Variants in SPMIP4 observed in about 807,000 individuals in gnomAD.
The protein encoded by SPMIP4 is sperm microtubule inner protein 4, also known as sperm-associated microtubule inner protein 4.
chr7:25,171,326 C>T, the SPMIP4 span, among the ~76,000 whole-genome samples: 3 of 152,164 alleles, frequency 2.0e-5, no homozygotes, highest in African/African-American at 4.8e-5. Context: ...GCCTGGCACA[C>T]AGGAAGCACT....
the SPMIP4 span, chr7:25,135,250 G>A: frequency 2.3e-6 from 2 of 865,090 alleles, no homozygotes; most frequent in Non-Finnish European, 2.8e-6. Flanking sequence ...GCTAATTAAG[G>A]CCATTGCTAG....
the SPMIP4 span, among the ~76,000 whole-genome samples, chr7:25,138,077 G>A: frequency 0.14 from 20,701 of 152,038 alleles, 1,453 homozygotes; most frequent in African/African-American, 0.18. This position sits in a 1 kb window ranked among gnomAD's most constrained non-coding sequence, Gnocchi z 6.2. Context: ...CACTTTTTAA[G>A]GACACTTGTC....
At chr7:25,140,212 A>C in the SPMIP4 span, among the ~76,000 whole-genome samples, 1 of 152,240 alleles carries the variant, frequency 6.6e-6, no homozygotes, top group Non-Finnish European at 1.5e-5. Context: ...AACACAGCCT[A>C]TAAACCTGCT....
At chr7:25,171,795 C>T in the SPMIP4 span, among the ~76,000 whole-genome samples, 1 of 152,198 alleles carries the variant, frequency 6.6e-6, no homozygotes, top group Non-Finnish European at 1.5e-5. Context: ...ACCATCTACA[C>T]AAGAAGCTGG....
At chr7:25,177,043 TC>T in the SPMIP4 span, among the ~76,000 whole-genome samples, 1 of 152,258 alleles carries the variant, frequency 6.6e-6, no homozygotes, top group Non-Finnish European at 1.5e-5. Context: ...CTGCATAGCT[TC>T]AGAGGGAAGA....
the SPMIP4 span, among the ~76,000 whole-genome samples, chr7:25,175,235 G>A: frequency 1.3e-5 from 2 of 152,154 alleles, no homozygotes; most frequent in Admixed American, 6.5e-5. Context: ...GAGCTAGGCC[G>A]TGTCACCTAT....
the SPMIP4 span, among the ~76,000 whole-genome samples, chr7:25,178,635 G>A: frequency 3.9e-5 from 6 of 152,228 alleles, no homozygotes; most frequent in Non-Finnish European, 5.9e-5. Flanking sequence ...TGTAGTGGAT[G>A]AATTTGATGT....
the SPMIP4 span, among the ~76,000 whole-genome samples, chr7:25,131,026 G>A: frequency 6.6e-6 from 1 of 152,318 alleles, no homozygotes; most frequent in East Asian, 1.9e-4. The surrounding 1 kb of genome is among the most constrained non-coding windows in gnomAD (Gnocchi z 4.2). Context: ...AGTGGGGGGT[G>A]AGCAAATGAA....
chr7:25,162,193 C>A, the SPMIP4 span, among the ~76,000 whole-genome samples: 1 of 150,448 alleles, frequency 6.6e-6, no homozygotes, highest in South Asian at 2.1e-4. Context: ...ATTGCTTGAA[C>A]CTGGGAGGCA....
chr7:25,162,509 T>A, the SPMIP4 span, among the ~76,000 whole-genome samples: 1 of 152,072 alleles, frequency 6.6e-6, no homozygotes, highest in East Asian at 1.9e-4. Flanking sequence ...AAAGGAAATG[T>A]AGAATGGCCA....
chr7:25,136,744 C>T, the SPMIP4 span: 12 of 1,614,034 alleles, frequency 7.4e-6, no homozygotes, highest in South Asian at 7.7e-5. This position sits in a 1 kb window ranked among gnomAD's most constrained non-coding sequence, Gnocchi z 5.7. Context: ...TCGGGCAATT[C>T]GTCCTTCCAA....
At chr7:25,148,286 C>T in the SPMIP4 span, among the ~76,000 whole-genome samples, 4 of 152,094 alleles carry the variant, frequency 2.6e-5, no homozygotes, top group Admixed American at 2.6e-4. Context: ...AAAAAATATC[C>T]TCCTGAGCCT....
the SPMIP4 span, among the ~76,000 whole-genome samples, chr7:25,156,261 C>T: frequency 0.2 from 29,910 of 151,890 alleles, 5,387 homozygotes; most frequent in African/African-American, 0.48. Flanking sequence ...GGGAGAGGCA[C>T]GGGACAGAGT....
the SPMIP4 span, among the ~76,000 whole-genome samples, chr7:25,159,855 T>C: frequency 6.6e-6 from 1 of 152,108 alleles, no homozygotes; most frequent in Non-Finnish European, 1.5e-5. Context: ...GAATCTAGAG[T>C]TGTTATTAAT....
the SPMIP4 span, among the ~76,000 whole-genome samples, chr7:25,172,963 T>C: frequency 0.23 from 25,580 of 109,140 alleles, 3,201 homozygotes; most frequent in African/African-American, 0.43. The surrounding 1 kb of genome is among the most constrained non-coding windows in gnomAD (Gnocchi z 4.2). Flanking sequence ...GTCAGAAACA[T>C]GGAGGAGAGG....
chr7:25,160,568 G>C, the SPMIP4 span, among the ~76,000 whole-genome samples: 4 of 152,174 alleles, frequency 2.6e-5, no homozygotes, highest in Admixed American at 2.6e-4. Context: ...CAAAGTGTTG[G>C]GAATTACAGG....
chr7:25,144,155 C>T, the SPMIP4 span, among the ~76,000 whole-genome samples: 4 of 152,248 alleles, frequency 2.6e-5, no homozygotes, highest in East Asian at 7.7e-4. Flanking sequence ...CCAGGCCCAC[C>T]CTTAACACTT....
At chr7:25,148,422 C>T in the SPMIP4 span, among the ~76,000 whole-genome samples, 1 of 151,476 alleles carries the variant, frequency 6.6e-6, no homozygotes, top group Admixed American at 6.6e-5. Flanking sequence ...GCACTCCAGC[C>T]TGGTGTTAAA....
the SPMIP4 span, among the ~76,000 whole-genome samples, chr7:25,144,410 T>C: frequency 1.3e-5 from 2 of 152,214 alleles, no homozygotes; most frequent in Non-Finnish European, 2.9e-5. Context: ...GCACCCTGAC[T>C]GCTTTCTTCT....
Sources: gnomAD v4.1 joint callset for allele counts (sites outside exome capture counted in the v4.1 genomes callset) on GRCh38, gnomAD v4.1.1 for gene constraint, Gnocchi (gnomAD v3.1) non-coding constraint, MANE v1.5 for transcripts, NCBI Gene and HGNC (gene_info 2026-07-23, HGNC 2026-07-21) for gene names.